The following NDE1 variants were observed in gnomAD, a reference collection of about 807,000 sequenced individuals.
The protein encoded by NDE1 is nudE neurodevelopment protein 1, also known as nuclear distribution protein nudE homolog 1.
In NDE1, 28 loss-of-function variants were observed where a neutral mutation model predicts 43.4. The observed-to-expected ratio is 0.65, with a 90% CI of 0.48 to 0.89. NDE1 has a LOEUF of 0.89. Among genes scored for constraint, NDE1 ranks in the 40% least tolerant of loss-of-function variants. NDE1 has a pLI of 0.00. For synonymous variants in NDE1, 184 were observed against 172.0 expected (o/e 1.07, Z -0.55); for missense variants, 441 against 434.1 (o/e 1.02, Z -0.14).
At chr16:15,717,029 T>C in intron 8 of NDE1, 1 of 1,168,212 alleles carries the variant, frequency 8.6e-7, no homozygotes, top group Non-Finnish European at 1.3e-6. Context: ...ATCACAGAGC[T>C]TGCTTCTTAC....
At chr16:15,670,276 G>T (rs2037523888) in intron 3 of NDE1, among the ~76,000 whole-genome samples, 1 of 152,198 alleles carries the variant, frequency 6.6e-6, no homozygotes, top group Non-Finnish European at 1.5e-5. Flanking sequence ...AGTGCTGGTT[G>T]CCTTCTTTGG....
At chr16:15,659,779 C>T (rs1459549890) in intron 1 of NDE1, among the ~76,000 whole-genome samples, 20 of 145,270 alleles carry the variant, frequency 1.4e-4, no homozygotes, top group African/African-American at 4.9e-4. Context: ...GACGGAGTCT[C>T]GCTCTGTCAC....
chr16:15,683,348 TTTTG>T (rs1239497496), intron 4 of NDE1: 2 of 151,950 alleles, frequency 1.3e-5, no homozygotes, highest in East Asian at 1.9e-4. Context: ...TATGGGTTTT[TTTTG>T]TTTGTTTTTA....
In NDE1 at chr16:15,719,810, G is replaced by A; in HGVS notation, c.948-4381G>A. Reference sequence around the variant, plus strand: ...TGCACACCCACCCCTTGGATTTTCTGCAGTTGACCACAAAGAAGTTCCCAT... The same window carrying A: ...TGCACACCCACCCCTTGGATTTTCTACAGTTGACCACAAAGAAGTTCCCAT... On this transcript the variant is annotated intron_variant, in intron 8 of 8. Coordinates refer to ENST00000396354, the MANE Select transcript of NDE1 (RefSeq NM_017668.3). The A allele has an allele frequency of 3.3e-6, 5 of 1,536,062 alleles. No homozygotes were observed. In the South Asian group the frequency reaches 4.5e-5, roughly 14 times the overall value.
rs796391576 is a variant in NDE1 at position 15,689,678 on chromosome 16, G to A, written c.524-1466G>A. Among the ~76,000 whole-genome samples the A allele has an allele frequency of 1.1e-4, 16 of 152,248 alleles. No homozygotes were observed. The South Asian group carries it at 1.7e-3, about 16-fold the overall frequency. On this transcript the variant is annotated intron_variant, in intron 5 of 8. Coordinates refer to ENST00000396354, the MANE Select transcript of NDE1 (RefSeq NM_017668.3). Reference sequence around the variant, plus strand: ...AGAACAGCTGGGCGCAGTGGCTCACGCCTGTATTCCCAGCACTTTGGGAGG... The same window carrying A: ...AGAACAGCTGGGCGCAGTGGCTCACACCTGTATTCCCAGCACTTTGGGAGG...
intron 8 of NDE1, chr16:15,712,895 T>TTTTTTTTTTTTTTTTTTTG: frequency 6.7e-6 from 1 of 148,744 alleles, no homozygotes; most frequent in African/African-American, 2.5e-5. Flanking sequence ...TTTTTTTTTT[T>TTTTTTTTTTTTTTTTTTTG]GAGACCGAGT....
intron 7 of NDE1, chr16:15,694,661 T>G: frequency 3.0e-6 from 3 of 985,192 alleles, no homozygotes; most frequent in Non-Finnish European, 3.6e-6. Context: ...TTCATAGCAG[T>G]GTGGTGAGTT....
At chr16:15,667,166 A>C in intron 2 of NDE1, 120 bp from the exon 3 acceptor site, 2 of 1,166,306 alleles carry the variant, frequency 1.7e-6, no homozygotes, top group Non-Finnish European at 2.6e-6. Flanking sequence ...GAATCGCTTG[A>C]ACCTGGAAAG....
At chr16:15,717,700 G>C (rs1040933180) in intron 8 of NDE1, 1 of 374,804 alleles carries the variant, frequency 2.7e-6, no homozygotes, top group African/African-American at 2.1e-5. Flanking sequence ...GGAGGTTGAA[G>C]CAGGAGAATC....
At chr16:15,694,317 G>A (rs2038905066) in intron 7 of NDE1, 61 bp downstream of exon 7, 3 of 1,590,892 alleles carry the variant, frequency 1.9e-6, no homozygotes, top group South Asian at 2.3e-5. Context: ...ATGTGTGAAG[G>A]GGGTTGATCT....
chr16:15,675,315 C>T (rs991168633), intron 3 of NDE1, among the ~76,000 whole-genome samples: 1 of 152,026 alleles, frequency 6.6e-6, no homozygotes, highest in African/African-American at 2.4e-5. Flanking sequence ...TGGCCTGCCT[C>T]AGCTTCCCAA....
intron 2 of NDE1, among the ~76,000 whole-genome samples, chr16:15,665,875 G>C (rs909660143): frequency 1.3e-5 from 2 of 151,492 alleles, no homozygotes; most frequent in Non-Finnish European, 2.9e-5. Context: ...TCTTGCCTCA[G>C]CCTCCCGAGT....
chr16:15,720,596 A>G (rs946675643), intron 8 of NDE1, among the ~76,000 whole-genome samples: 11 of 152,016 alleles, frequency 7.2e-5, no homozygotes, highest in Non-Finnish European at 1.6e-4. Context: ...TGAAAAAAAA[A>G]AAAAAATTAG....
At chr16:15,661,350 A>G (rs1488338694) in intron 1 of NDE1, among the ~76,000 whole-genome samples, 3 of 152,076 alleles carry the variant, frequency 2.0e-5, no homozygotes, top group Non-Finnish European at 2.9e-5. Context: ...GTGTTTCACC[A>G]TGTTAGCCAG....
At chr16:15,684,660 A>G (rs2038344900) in intron 4 of NDE1, 1 of 151,994 alleles carries the variant, frequency 6.6e-6, no homozygotes, top group South Asian at 2.1e-4. Context: ...GGAGTTTGTT[A>G]AAATTTCCGA....
At chr16:15,675,963 G>C (rs1250974981) in intron 3 of NDE1, among the ~76,000 whole-genome samples, 1 of 152,170 alleles carries the variant, frequency 6.6e-6, no homozygotes, top group African/African-American at 2.4e-5. Flanking sequence ...GGATTAATGA[G>C]ACAACATAGG....
chr16:15,683,828 C>T (rs2038301308), intron 4 of NDE1, among the ~76,000 whole-genome samples: 1 of 152,078 alleles, frequency 6.6e-6, no homozygotes, highest in Non-Finnish European at 1.5e-5. Flanking sequence ...AGTTTGAGGA[C>T]ATCCTGGGCA....
intron 8 of NDE1, chr16:15,703,825 C>T (rs1282536164): frequency 1.1e-6 from 1 of 923,880 alleles, no homozygotes; most frequent in African/African-American, 1.6e-5. Flanking sequence ...TTTTATATTC[C>T]TTGTGTGAGG....
At chr16:15,650,489 C>T (rs2036444792) in intron 1 of NDE1, among the ~76,000 whole-genome samples, 195 bp downstream of exon 1, 1 of 152,244 alleles carries the variant, frequency 6.6e-6, no homozygotes, top group Admixed American at 6.5e-5. Context: ...CAAAATCCCG[C>T]CTCCCTGGAG....
Sources: allele counts gnomAD v4.1 joint callset (sites outside exome capture counted in the v4.1 genomes callset), GRCh38; gene constraint gnomAD v4.1.1; transcripts MANE v1.5; gene names NCBI Gene and HGNC (gene_info 2026-07-23, HGNC 2026-07-21).